The following OSBPL9 variants were observed in gnomAD, a reference collection of about 807,000 sequenced individuals.
The protein encoded by OSBPL9 is oxysterol binding protein like 9.
In OSBPL9, 40 loss-of-function variants were observed where a neutral mutation model predicts 106.6. The observed-to-expected ratio is 0.38, with a 90% CI of 0.29 to 0.49. The LOEUF (loss-of-function observed/expected upper bound fraction) is 0.49. Among genes scored for constraint, OSBPL9 ranks in the 20% least tolerant of loss-of-function variants. OSBPL9 has a pLI of 0.97. For missense variants in OSBPL9, 609 were observed against 887.2 expected (o/e 0.69, Z 3.98); for synonymous variants, 269 against 295.4 (o/e 0.91, Z 0.92).
Position 51,788,655 on chromosome 1 carries a change from C to G in OSBPL9, c.*866C>G, listed in dbSNP as rs1325645181. Among the ~76,000 whole-genome samples, 1 of 152,088 alleles carries G rather than the reference C, an allele frequency of 6.6e-6. No homozygotes were observed. Among genetic ancestry groups the G allele is most frequent in the Non-Finnish European group, 1.5e-5 (1 of 68,024 alleles). ...AATTCCCCAGAATCTTCACTTAACT[C>G]ATATTGCACATGTAGGGCTGCCTAC... On this transcript the variant is annotated 3_prime_UTR_variant, in exon 24 of 24. Transcript: ENST00000428468.
chr1:51,574,164 A>G (rs1230984516), upstream of OSBPL9: 1 of 152,206 alleles, frequency 6.6e-6, no homozygotes, highest in East Asian at 1.9e-4. Flanking sequence ...ATATTCCTGA[A>G]ATTCCTTTCA....
chr1:51,765,590 G>T, intron 11 of OSBPL9: 1 of 318,414 alleles, frequency 3.1e-6, no homozygotes, highest in Non-Finnish European at 5.7e-6. Flanking sequence ...ATTATAGAAT[G>T]AGGACATAGC....
Position 51,611,847 on chromosome 1 carries a change from C to T in OSBPL9, c.-352-2458C>T, listed in dbSNP as rs528388685. ...AAAATTAGCCGGGCGTGGTGGCGGG[C>T]GCCTGTAGTCCCAGCTACTCAGGAG... On this transcript the variant is annotated intron_variant, in intron 2 of 25. Transcript: ENST00000371714. Among the ~76,000 whole-genome samples, 7 of 152,172 alleles carry T rather than the reference C, an allele frequency of 4.6e-5. No individual in the cohort carries two copies. The East Asian group carries it at 5.8e-4, about 13-fold the overall frequency.
chr1:51,669,349 C>G (rs1649307209), intron 2 of OSBPL9, 85 bp from the exon 3 acceptor site: 1 of 1,091,938 alleles, frequency 9.2e-7, no homozygotes, highest in Non-Finnish European at 1.4e-6. Flanking sequence ...GTCGTTGGTG[C>G]ATTGAGTATT....
intron 5 of OSBPL9, among the ~76,000 whole-genome samples, chr1:51,745,942 T>G (rs767356821): frequency 6.6e-6 from 1 of 152,166 alleles, no homozygotes; most frequent in Non-Finnish European, 1.5e-5. Flanking sequence ...AAACTGTGTT[T>G]TAGTGGCTCA....
intron 22 of OSBPL9, 62 bp from the exon 23 acceptor site, chr1:51,787,291 T>A: frequency 6.6e-7 from 1 of 1,515,054 alleles, no homozygotes; most frequent in South Asian, 1.1e-5. Context: ...TTATACTATA[T>A]TCAGGATGGC....
chr1:51,740,062 A>G, intron 4 of OSBPL9: 2 of 1,523,734 alleles, frequency 1.3e-6, no homozygotes, highest in Non-Finnish European at 8.9e-7. Context: ...TTTTTCTCTT[A>G]CTATTCCTTT....
intron 3 of OSBPL9, among the ~76,000 whole-genome samples, chr1:51,677,396 C>T (rs994247456): frequency 9.2e-5 from 14 of 152,188 alleles, no homozygotes; most frequent in African/African-American, 3.4e-4. Context: ...TTTGGATTGT[C>T]TGTATGTCCT....
chr1:51,699,884 A>G (rs1656862521), intron 3 of OSBPL9, among the ~76,000 whole-genome samples: 1 of 152,218 alleles, frequency 6.6e-6, no homozygotes, highest in South Asian at 2.1e-4. Context: ...ATCCATGTTC[A>G]TATTTATTTC....
At chr1:51,577,121 C>G (rs1047915576), upstream of OSBPL9, 1 of 152,098 alleles carries the variant, frequency 6.6e-6, no homozygotes, top group Non-Finnish European at 1.5e-5. Context: ...TTCCTACTCT[C>G]TCTGTCTCCT....
chr1:51,748,779 C>T (rs1323483502), intron 7 of OSBPL9, among the ~76,000 whole-genome samples: 1 of 151,924 alleles, frequency 6.6e-6, no homozygotes, highest in African/African-American at 2.4e-5. Context: ...ATCCTCCTGC[C>T]TCAGCCTTCA....
the OSBPL9 span, among the ~76,000 whole-genome samples, chr1:51,547,520 T>C: frequency 2.0e-5 from 3 of 151,852 alleles, no homozygotes; most frequent in African/African-American, 7.3e-5. Flanking sequence ...ATTATCTAAG[T>C]GGGAAACAGA....
At chr1:51,633,106 G>A (rs1246196384) in intron 1 of OSBPL9, among the ~76,000 whole-genome samples, 3 of 151,824 alleles carry the variant, frequency 2.0e-5, no homozygotes, top group African/African-American at 4.8e-5. Flanking sequence ...ACAGGTGTTC[G>A]CCACCACGCC....
At chr1:51,546,709 C>A in the OSBPL9 span, among the ~76,000 whole-genome samples, 18 of 144,966 alleles carry the variant, frequency 1.2e-4, no homozygotes, top group South Asian at 2.2e-4. Flanking sequence ...AAAAAAAAAA[C>A]AAAAAACACA....
At chr1:51,581,400 C>T (rs1042328887) in intron 1 of OSBPL9, among the ~76,000 whole-genome samples, 2 of 152,192 alleles carry the variant, frequency 1.3e-5, no homozygotes, top group African/African-American at 4.8e-5. Context: ...CTGACTGAGG[C>T]GGTATGTATC....
chr1:51,530,152 C>T, the OSBPL9 span, among the ~76,000 whole-genome samples: 2 of 74,626 alleles, frequency 2.7e-5, no homozygotes, highest in African/African-American at 9.7e-5. Flanking sequence ...GCCTGGGTGA[C>T]AGAGTGAGAC....
chr1:51,566,121 G>A, the OSBPL9 span: 3 of 152,214 alleles, frequency 2.0e-5, no homozygotes, highest in South Asian at 2.1e-4. Flanking sequence ...CCACAAAAGA[G>A]GGATCATAAC....
chr1:51,719,457 T>TA (rs1480396939), intron 4 of OSBPL9, among the ~76,000 whole-genome samples: 1 of 151,938 alleles, frequency 6.6e-6, no homozygotes, highest in Non-Finnish European at 1.5e-5. Flanking sequence ...TTTTTTTTTT[T>TA]AACCCTAGTA....
At chr1:51,615,471 T>C (rs1644030734), upstream of OSBPL9, among the ~76,000 whole-genome samples, 2 of 152,182 alleles carry the variant, frequency 1.3e-5, no homozygotes, top group South Asian at 4.1e-4. Context: ...TGTATTTTAT[T>C]CCAGTGTTTT....
Sources: allele counts gnomAD v4.1 joint callset (sites outside exome capture counted in the v4.1 genomes callset), GRCh38; gene constraint gnomAD v4.1.1; transcripts MANE v1.5; gene names NCBI Gene and HGNC (gene_info 2026-07-23, HGNC 2026-07-21).